The following ANKH variants were observed in gnomAD, a reference collection of about 807,000 sequenced individuals.
ANKH encodes the protein ANKH inorganic pyrophosphate transport regulator.
Under a neutral mutation model 49.0 loss-of-function variants are expected in ANKH, and 15 were observed. The ratio of observed to expected loss-of-function variants is 0.31; its 90% CI spans 0.20 to 0.47. The LOEUF (loss-of-function observed/expected upper bound fraction) is 0.47. Ranked by LOEUF, ANKH falls within the 20% of genes least tolerant of loss-of-function variation. The pLI, the probability that ANKH is intolerant of heterozygous loss-of-function variation, is 1.00. For synonymous variants in ANKH, 273 were observed against 260.0 expected (o/e 1.05, Z -0.48); for missense variants, 429 against 652.0 (o/e 0.66, Z 3.72).
In ANKH at chr5:14,721,929, C is replaced by CAAAAAA. The variant is rs35821509; in HGVS notation, c.1012-5100_1012-5095dup. ...TGGGCGACAGAGCGAGACTCCGTCT[C>CAAAAAA]AAAAAAAAAAAAAAAAAAAAAAAAA... is the stretch of plus-strand genomic sequence containing the variant. On this transcript the variant is annotated intron_variant, in intron 8 of 11. Transcript: ENST00000284268. 5.0e-5 allele frequency among the ~76,000 whole-genome samples: 3 copies of CAAAAAA among 59,442 alleles called. 1 individual carries two copies. The highest frequency in any genetic ancestry group is 2.4e-4 in the Admixed American group (1 of 4,168). 39.0% of individuals were successfully genotyped at this position (59,442 alleles called of 152,430 possible). A position where few individuals can be genotyped will look rare whatever the true frequency, so the allele number is the denominator to read the frequency against.
intron 1 of ANKH, among the ~76,000 whole-genome samples, chr5:14,847,374 A>G (rs1426956722): frequency 6.6e-6 from 1 of 152,218 alleles, no homozygotes; most frequent in Non-Finnish European, 1.5e-5. Flanking sequence ...GTGCTAGTGC[A>G]TCCTGACTAT....
chr5:14,771,987 T>C (rs1241766806), intron 1 of ANKH, among the ~76,000 whole-genome samples: 1 of 149,626 alleles, frequency 6.7e-6, no homozygotes, highest in African/African-American at 2.5e-5. Context: ...CCAATTATAA[T>C]TGGATGTCAT....
At chr5:14,855,848 G>GAA (rs796584176) in intron 1 of ANKH, among the ~76,000 whole-genome samples, 5 of 119,898 alleles carry the variant, frequency 4.2e-5, no homozygotes, top group Admixed American at 8.6e-5. Flanking sequence ...AAAAGAAAAA[G>GAA]AAAAAAAAAA....
intron 1 of ANKH, among the ~76,000 whole-genome samples, chr5:14,858,942 T>G (rs1307770589): frequency 6.6e-6 from 1 of 151,994 alleles, no homozygotes; most frequent in African/African-American, 2.4e-5. Context: ...TTTAGTCTTT[T>G]TTTTTTAAAA....
chr5:14,752,923 T>C (rs769382763), intron 4 of ANKH, among the ~76,000 whole-genome samples: 2 of 152,148 alleles, frequency 1.3e-5, no homozygotes, highest in Non-Finnish European at 2.9e-5. Flanking sequence ...TATAAAGTGA[T>C]AGAACTGTAG....
chr5:14,741,823 T>C lies in ANKH; in HGVS notation c.1011+4A>G. On this transcript the variant is annotated splice_donor_region_variant and intron_variant, in intron 8 of 11. Transcript: ENST00000284268. ...GAAGAGGCAGAGAGAGCCTCTGTCC[T>C]TACCGTGAGTGACAGAGCCATGCAG... 6.2e-7 allele frequency: 1 copy of C among 1,611,346 alleles called. No homozygotes were observed. Among genetic ancestry groups the C allele is most frequent in the Non-Finnish European group, 8.5e-7 (1 of 1,177,504 alleles).
At chr5:14,758,923 C>G (rs1018206290) in intron 2 of ANKH, among the ~76,000 whole-genome samples, 1 of 152,150 alleles carries the variant, frequency 6.6e-6, no homozygotes, top group African/African-American at 2.4e-5. Context: ...TTTGAATTCC[C>G]TTCAATGAAC....
rs182606518 is a variant in ANKH at position 14,729,920 on chromosome 5, C to T, written c.1011+11907G>A. Among the ~76,000 whole-genome samples the T allele has an allele frequency of 4.9e-3, 741 of 152,306 alleles. 6 individuals are homozygous for T. The highest frequency in any genetic ancestry group is 0.017 in the African/African-American group (703 of 41,558). ...CCTCCTGAGTTGCTCTCTCTGCGGC[C>T]TGAAGTTCTGAAGCTTTAGGATCAA... On this transcript the variant is annotated intron_variant, in intron 8 of 11. Coordinates refer to ENST00000284268, the MANE Select transcript of ANKH (RefSeq NM_054027.6).
intron 1 of ANKH, among the ~76,000 whole-genome samples, chr5:14,829,089 C>G (rs1741429484): frequency 6.7e-6 from 1 of 148,274 alleles, no homozygotes; most frequent in Non-Finnish European, 1.5e-5. Flanking sequence ...GAGGCTGAGG[C>G]AGTAGAATCG....
intron 2 of ANKH, among the ~76,000 whole-genome samples, chr5:14,764,728 G>C (rs1040059396): frequency 1.3e-5 from 2 of 152,194 alleles, no homozygotes; most frequent in African/African-American, 4.8e-5. Flanking sequence ...ACCCTTTATA[G>C]AGCTGGTTAA....
rs1737803836 is a variant in ANKH, at chr5:14,725,754, T to C, written c.1012-8919A>G. Among the ~76,000 whole-genome samples, 1 of 152,216 alleles carries C rather than the reference T, an allele frequency of 6.6e-6. No homozygotes were observed. Among genetic ancestry groups the C allele is most frequent in the Non-Finnish European group, 1.5e-5 (1 of 68,044 alleles). On this transcript the variant is annotated intron_variant, in intron 8 of 11. Transcript: ENST00000284268. The surrounding 1 kb of genome is among the most constrained non-coding windows in gnomAD (Gnocchi z 4.0). ...TATTCTTTTTATCAGAAAAACATTT[T>C]TTTTTCTTTTGAGATGCAGCCTTGC...
At chr5:14,830,192 A>AT (rs1741461320) in intron 1 of ANKH, among the ~76,000 whole-genome samples, 1 of 152,234 alleles carries the variant, frequency 6.6e-6, no homozygotes. Flanking sequence ...AAATTGTTAC[A>AT]TAGACGTCCT....
chr5:14,713,581 C>T lies in ANKH; in HGVS notation c.1228G>A (p.Val410Ile). The part of the protein sequence containing the change: ...LAPSSVLRII[V>I]LIASLVVLPY... The stretch of plus-strand genomic sequence containing the variant: ...AGGACCACGAGGCTGGCGATGAGGA[C>T]GATGATCCGCAGCACAGAGCTGGGG... Residue 410 changes from valine to isoleucine, a missense_variant, in exon 10 of 12, where the codon GTC becomes ATC. This residue lies in a region of ANKH where 378 missense variants were observed against 615.3 expected (regional missense o/e 0.61). Coordinates refer to ENST00000284268, the MANE Select transcript of ANKH (RefSeq NM_054027.6). The surrounding 1 kb of genome is among the most constrained non-coding windows in gnomAD (Gnocchi z 4.4). 5 of 1,614,194 alleles carry T rather than the reference C, an allele frequency of 3.1e-6. No homozygotes were observed. The highest frequency in any genetic ancestry group is 3.4e-6 in the Non-Finnish European group (4 of 1,180,034).
At chr5:14,816,337 G>T (rs1466334969) in intron 1 of ANKH, among the ~76,000 whole-genome samples, 1 of 152,182 alleles carries the variant, frequency 6.6e-6, no homozygotes, top group Non-Finnish European at 1.5e-5. Flanking sequence ...AGAGAGAGAA[G>T]CCACTTCGAA....
At chr5:14,826,943 C>A (rs575675641) in intron 1 of ANKH, among the ~76,000 whole-genome samples, 1 of 152,294 alleles carries the variant, frequency 6.6e-6, no homozygotes, top group East Asian at 1.9e-4. Flanking sequence ...GAATGTGGGA[C>A]TTTTGAGAGT....
At chr5:14,843,549 G>GCAAAA (rs71603755) in intron 1 of ANKH, among the ~76,000 whole-genome samples, 1 of 61,034 alleles carries the variant, frequency 1.6e-5, no homozygotes, top group Non-Finnish European at 2.9e-5. Flanking sequence ...GGGGATTAGC[G>GCAAAA]AAAAAAAAAA....
intron 1 of ANKH, among the ~76,000 whole-genome samples, chr5:14,796,658 G>A (rs896139707): frequency 1.1e-4 from 17 of 152,100 alleles, no homozygotes; most frequent in African/African-American, 4.1e-4. Context: ...TGGAAACTCA[G>A]GTGTCGAGAT....
In ANKH at chr5:14,737,811, C is replaced by T. The variant is rs1284967029; in HGVS notation, c.1011+4016G>A. On this transcript the variant is annotated intron_variant, in intron 8 of 11. Transcript: ENST00000284268. This position sits in a 1 kb window ranked among gnomAD's most constrained non-coding sequence, Gnocchi z 5.0. ...TGGGTTTGCACTGTGTCTGCTCCCT[C>T]GTTGCTATCAAGGGGATTCCGTTTC... Among the ~76,000 whole-genome samples, 2 of 152,230 alleles carry T rather than the reference C, an allele frequency of 1.3e-5. No individual in the cohort carries two copies. The highest frequency in any genetic ancestry group is 4.8e-5 in the African/African-American group (2 of 41,464).
In ANKH at chr5:14,708,594, CAGG is replaced by C. The variant is rs1322689022; in HGVS notation, c.*2600_*2602del. On this transcript the variant is annotated 3_prime_UTR_variant, in exon 12 of 12. Transcript: ENST00000284268. Reference sequence around the variant, plus strand: ...TGATGGGACTCGATTAGAAGAAACGCAGGAGAATATGCCAGTTCTCAGTTTTGC... The same window carrying C: ...TGATGGGACTCGATTAGAAGAAACGCAGAATATGCCAGTTCTCAGTTTTGC... The C allele has an allele frequency of 6.6e-6, 1 of 152,210 alleles. No homozygotes were observed. Among genetic ancestry groups the C allele is most frequent in the Non-Finnish European group, 1.5e-5 (1 of 68,054 alleles). The allele number at this position is 152,210 out of a possible 1,614,324, so 9.4% of individuals were successfully genotyped here. A position where few individuals can be genotyped will look rare whatever the true frequency, so the allele number is the denominator to read the frequency against.
Sources: gnomAD v4.1 joint callset for allele counts (sites outside exome capture counted in the v4.1 genomes callset) on GRCh38, gnomAD v4.1.1 for gene constraint, gnomAD v4.1.1 regional missense constraint, Gnocchi (gnomAD v3.1) non-coding constraint, MANE v1.5 for transcripts, NCBI Gene and HGNC (gene_info 2026-07-23, HGNC 2026-07-21) for gene names.